The following SEMA3F variants were observed in gnomAD, a reference collection of about 807,000 sequenced individuals.
The protein encoded by SEMA3F is semaphorin-3F.
A neutral mutation model predicts 98.5 loss-of-function variants in SEMA3F; 30 were observed. The ratio of observed to expected loss-of-function variants is 0.30; its 90% confidence interval spans 0.23 to 0.41. The LOEUF (loss-of-function observed/expected upper bound fraction) is 0.41. SEMA3F is among the 10% of genes least tolerant of loss of function. SEMA3F has a pLI of 1.00. For synonymous variants in SEMA3F, 380 were observed against 444.8 expected (o/e 0.85, Z 1.83); for missense variants, 866 against 1,119.3 (o/e 0.77, Z 3.23).
intron 2 of SEMA3F, among the ~76,000 whole-genome samples, chr3:50,170,767 C>T (rs368930011): frequency 2.6e-4 from 40 of 152,256 alleles, no homozygotes; most frequent in African/African-American, 9.4e-4. Context: ...CCACCCCTTC[C>T]CCACCATGCG....
rs2109114865 is a variant in SEMA3F at position 50,183,252 on chromosome 3, C to G, written c.1085C>G (p.Ser362Cys). Residue 362 changes from serine to cysteine, a missense_variant, in exon 11 of 19, where the codon TCT becomes TGT. Ser to Cys is a moderately radical substitution (Grantham distance 112, BLOSUM62 -1). Coordinates refer to ENST00000002829, the MANE Select transcript of SEMA3F (RefSeq NM_004186.5). Reference sequence around the variant, plus strand: ...GTCATTTACGCTGTCTTTACCTCCTCTGGGTGAGGCTGGGGTCAGGGCCAG... The same window carrying G: ...GTCATTTACGCTGTCTTTACCTCCTGTGGGTGAGGCTGGGGTCAGGGCCAG... ...NPVIYAVFTS[S>C]GSVFRGSAVC... The G allele has an allele frequency of 6.2e-7, 1 of 1,614,058 alleles. No homozygotes were observed. The highest frequency in any genetic ancestry group is 1.3e-5 in the African/African-American group (1 of 75,070).
At position 50,170,809 on chromosome 3, in the gene SEMA3F, T is replaced by C. The variant is rs543826176; in HGVS notation, c.113-2984T>C. 3.3e-5 allele frequency among the ~76,000 whole-genome samples: 5 copies of C among 152,068 alleles called. No individual in the cohort carries two copies. The East Asian group carries it at 7.8e-4, about 24-fold the overall frequency. On this transcript the variant is annotated intron_variant, in intron 2 of 18. Transcript: ENST00000002829. Reference sequence around the variant, plus strand: ...CCTGGGGCTCCCCCTCCCCCCACACTGTTTCCACAGTGACCAAAGCGTCAC... The same window carrying C: ...CCTGGGGCTCCCCCTCCCCCCACACCGTTTCCACAGTGACCAAAGCGTCAC...
intron 7 of SEMA3F, among the ~76,000 whole-genome samples, chr3:50,180,696 G>A (rs1047733026): frequency 6.6e-6 from 1 of 152,140 alleles, no homozygotes; most frequent in Non-Finnish European, 1.5e-5. Context: ...ACGGTGCCCC[G>A]AAATAATTGC....
At chr3:50,176,051 G>C (rs1698796221) in intron 6 of SEMA3F, among the ~76,000 whole-genome samples, 1 of 151,782 alleles carries the variant, frequency 6.6e-6, no homozygotes, top group Non-Finnish European at 1.5e-5. Flanking sequence ...GCTCACCCCT[G>C]TCCCAGTGCC....
At chr3:50,161,197 C>A (rs559806364) in intron 2 of SEMA3F, among the ~76,000 whole-genome samples, 1 of 152,234 alleles carries the variant, frequency 6.6e-6, no homozygotes, top group East Asian at 1.9e-4. Context: ...ACCTTGCGTC[C>A]GCTCTGGGTG....
chr3:50,183,292 G>A (rs769285640), intron 11 of SEMA3F, 37 bp downstream of exon 11: 2 of 1,609,586 alleles, frequency 1.2e-6, no homozygotes, highest in Non-Finnish European at 8.5e-7. Flanking sequence ...GGCAGGGAGT[G>A]GCCCCGTTGG....
Position 50,182,656 on chromosome 3 carries a change from T to C in SEMA3F, c.776T>C (p.Ile259Thr). The change falls in exon 9 of 19, where the codon ATC becomes ACC. Residue 259 changes from isoleucine (I) to threonine (T), a missense_variant. Ile to Thr is a moderately conservative substitution (Grantham distance 89). Coordinates refer to ENST00000002829, the MANE Select transcript of SEMA3F (RefSeq NM_004186.5). This position sits in a 1 kb window ranked among gnomAD's most constrained non-coding sequence, Gnocchi z 4.5. Reference protein sequence around the residue: ...NSRWLNDPSFIHAELIPDSAE... With the variant: ...NSRWLNDPSFTHAELIPDSAE... ...CTGCCACCTGCAGACCCGTCGTTCA[T>C]CCATGCTGAGCTCATTCCTGACAGT... The C allele has an allele frequency of 1.2e-6, 2 of 1,613,110 alleles. No homozygotes were observed. The highest frequency in any genetic ancestry group is 1.7e-6 in the Non-Finnish European group (2 of 1,179,560).
Position 50,188,066 on chromosome 3 carries a change from A to G in SEMA3F, c.2309A>G (p.Gln770Arg). The change falls in exon 19 of 19, where the codon CAG becomes CGG. Residue 770 changes from glutamine to arginine, a missense_variant. By Grantham distance (43) the Gln-to-Arg change is conservative (BLOSUM62 1). Coordinates refer to ENST00000002829, the MANE Select transcript of SEMA3F (RefSeq NM_004186.5). The surrounding 1 kb of genome is among the most constrained non-coding windows in gnomAD (Gnocchi z 4.5). Reference protein sequence around the residue: ...APGAPRSPEPQDQKKPRNRRH... With the variant: ...APGAPRSPEPRDQKKPRNRRH... ...GGGGCACCCCGGTCTCCTGAGCCCC[A>G]GGACCAGAAAAAGCCCCGGAACCGC... 1 of 1,568,176 alleles carries G rather than the reference A, an allele frequency of 6.4e-7. No homozygotes were observed. Among genetic ancestry groups the G allele is most frequent in the Non-Finnish European group, 8.6e-7 (1 of 1,156,210 alleles).
chr3:50,187,937 A>T lies in SEMA3F; in HGVS notation c.2180A>T (p.Tyr727Phe), dbSNP rs1310283080. 1 of 1,607,986 alleles carries T rather than the reference A, an allele frequency of 6.2e-7. No individual in the cohort carries two copies. The highest frequency in any genetic ancestry group is 1.3e-5 in the African/African-American group (1 of 74,778). The change falls in exon 19 of 19, where the codon TAC becomes TTC. Residue 727 changes from tyrosine to phenylalanine, a missense_variant. Coordinates refer to ENST00000002829, the MANE Select transcript of SEMA3F (RefSeq NM_004186.5). ...PPGAGPPTPP[Y>F]QELAQLLAQP... ...GGCGCAGGCCCCCCAACGCCTCCTT[A>T]CCAGGAGTTAGCCCAGCTGCTGGCC... is the stretch of plus-strand genomic sequence containing the variant.
rs1200669909 is a variant in SEMA3F, at chr3:50,158,732, T to C, written c.-48-843T>C. Reference sequence around the variant, plus strand: ...GGGAGCAATATGTTCTGACAACTGGTGCTGGGCTGCGTTTACCCAACAGCC... The same window carrying C: ...GGGAGCAATATGTTCTGACAACTGGCGCTGGGCTGCGTTTACCCAACAGCC... On this transcript the variant is annotated intron_variant, in intron 1 of 18. Coordinates refer to ENST00000002829, the MANE Select transcript of SEMA3F (RefSeq NM_004186.5). This position sits in a 1 kb window ranked among gnomAD's most constrained non-coding sequence, Gnocchi z 4.8. 6.6e-6 allele frequency among the ~76,000 whole-genome samples: 1 copy of C among 152,204 alleles called. No homozygotes were observed. The highest frequency in any genetic ancestry group is 6.5e-5 in the Admixed American group (1 of 15,288).
intron 7 of SEMA3F, among the ~76,000 whole-genome samples, chr3:50,178,273 T>C (rs1288800847): frequency 6.6e-6 from 1 of 151,852 alleles, no homozygotes; most frequent in Admixed American, 6.6e-5. Flanking sequence ...AAATTGAAAT[T>C]GATCTATGGG....
Position 50,188,099 on chromosome 3 carries a change from A to G in SEMA3F, c.2342A>G (p.His781Arg). ...AAAAAGCCCCGGAACCGCCGGCACC[A>G]CCCTCCGGACACATGAGGCCAGCTG... The part of the protein sequence containing the change: ...DQKKPRNRRH[H>R]PPDT The change falls in exon 19 of 19, where the codon CAC becomes CGC. Residue 781 changes from histidine to arginine, a missense_variant. This residue lies in a region of SEMA3F where 245 missense variants were observed against 260.5 expected (regional missense o/e 0.94). Transcript: ENST00000002829. The surrounding 1 kb of genome is among the most constrained non-coding windows in gnomAD (Gnocchi z 4.5). 1 of 1,514,880 alleles carries G rather than the reference A, an allele frequency of 6.6e-7. No homozygotes were observed. The highest frequency in any genetic ancestry group is 1.3e-5 in the South Asian group (1 of 78,984). 93.8% of individuals were successfully genotyped at this position (1,514,880 alleles called of 1,614,324 possible). A position where few individuals can be genotyped will look rare whatever the true frequency, so the allele number is the denominator to read the frequency against.
In SEMA3F at chr3:50,156,341, C is replaced by T. The variant is rs958699902; in HGVS notation, c.-49+777C>T. Among the ~76,000 whole-genome samples the T allele has an allele frequency of 2.0e-5, 3 of 152,186 alleles. No homozygotes were observed. The highest frequency in any genetic ancestry group is 2.1e-4 in the South Asian group (1 of 4,836). ...TGGCCTAGGAATGAGGCAGTGCTGG[C>T]GGGAGTTGGCTGGAGCTGGGGCTGG... On this transcript the variant is annotated intron_variant, in intron 1 of 18. Coordinates refer to ENST00000002829, the MANE Select transcript of SEMA3F (RefSeq NM_004186.5). This position sits in a 1 kb window ranked among gnomAD's most constrained non-coding sequence, Gnocchi z 4.5.
chr3:50,162,793 TAGAAG>T (rs1698261116), intron 2 of SEMA3F, among the ~76,000 whole-genome samples: 1 of 151,730 alleles, frequency 6.6e-6, no homozygotes, highest in Non-Finnish European at 1.5e-5. Flanking sequence ...TTTGGTGGGG[TAGAAG>T]GACCCTGTGA....
chr3:50,169,563 C>T (rs1204621775), intron 2 of SEMA3F, among the ~76,000 whole-genome samples: 1 of 152,186 alleles, frequency 6.6e-6, no homozygotes, highest in Non-Finnish European at 1.5e-5. Flanking sequence ...TCCCAGGAGA[C>T]AGCACCCAGG....
At chr3:50,171,764 C>T (rs1044995995) in intron 2 of SEMA3F, among the ~76,000 whole-genome samples, 8 of 152,172 alleles carry the variant, frequency 5.3e-5, no homozygotes, top group South Asian at 4.1e-4. Flanking sequence ...ACAACAGGTG[C>T]GGGACAGGTG....
intron 1 of SEMA3F, among the ~76,000 whole-genome samples, chr3:50,157,897 C>A (rs567521418): frequency 6.6e-6 from 1 of 152,152 alleles, no homozygotes. Flanking sequence ...CAGGAGCCCC[C>A]GTTACATAGT....
chr3:50,159,821 C>A, intron 2 of SEMA3F, 87 bp downstream of exon 2: 1 of 891,116 alleles, frequency 1.1e-6, no homozygotes, highest in South Asian at 1.4e-5. Flanking sequence ...AAGGGTGGGT[C>A]AGGACAAAAC....
intron 7 of SEMA3F, among the ~76,000 whole-genome samples, chr3:50,180,387 C>A (rs1478791721): frequency 6.6e-6 from 1 of 152,028 alleles, no homozygotes. Flanking sequence ...GGTCTCCTGA[C>A]CTCAAGTGAT....
Sources: allele counts gnomAD v4.1 joint callset (sites outside exome capture counted in the v4.1 genomes callset), GRCh38; gene constraint gnomAD v4.1.1; regional missense constraint gnomAD v4.1.1; non-coding constraint Gnocchi (gnomAD v3.1); transcripts MANE v1.5; gene names NCBI Gene and HGNC (gene_info 2026-07-23, HGNC 2026-07-21).